The following TERT variants were observed in gnomAD, a reference collection of about 807,000 sequenced individuals.
TERT encodes telomerase catalytic subunit.
Under a neutral mutation model 104.0 loss-of-function variants are expected in TERT, and 42 were observed. The observed-to-expected ratio is 0.40, with a 90% CI of 0.32 to 0.52. The LOEUF is 0.52. Ranked by LOEUF, TERT falls within the 20% of genes least tolerant of loss-of-function variation. TERT has a pLI of 0.43. For synonymous variants in TERT, 781 were observed against 725.6 expected (o/e 1.08, Z -1.23); for missense variants, 1,101 against 1,610.3 (o/e 0.68, Z 5.41).
At position 1,293,300 on chromosome 5, in the gene TERT, A is replaced by G. The variant is rs1434806926; in HGVS notation, c.1573+13T>C. On this transcript the variant is annotated intron_variant, in intron 2 of 15. Transcript: ENST00000310581. Reference sequence around the variant, plus strand: ...TCTGGGGCCTGGGCCCTCGACGGCCACCACCTCCTCACCTGGGCTCCTGCG... The same window carrying G: ...TCTGGGGCCTGGGCCCTCGACGGCCGCCACCTCCTCACCTGGGCTCCTGCG... 6.2e-7 allele frequency: 1 copy of G among 1,612,298 alleles called. No individual in the cohort carries two copies. Among genetic ancestry groups the G allele is most frequent in the East Asian group, 2.2e-5 (1 of 44,884 alleles).
At chr5:1,284,916 C>T (rs1340907837) in intron 2 of TERT, among the ~76,000 whole-genome samples, 4 of 149,686 alleles carry the variant, frequency 2.7e-5, no homozygotes, top group African/African-American at 4.9e-5. Flanking sequence ...AGACACCGCA[C>T]ACCCAGCTCA....
Position 1,255,202 on chromosome 5 carries a change from C to T in TERT, c.3157+85G>A. The T allele has an allele frequency of 1.3e-6, 2 of 1,556,788 alleles. No homozygotes were observed. The highest frequency in any genetic ancestry group is 2.3e-5 in the South Asian group (2 of 86,090). On this transcript the variant is annotated intron_variant, in intron 14 of 15. Coordinates refer to ENST00000310581, the MANE Select transcript of TERT (RefSeq NM_198253.3). The surrounding 1 kb of genome is among the most constrained non-coding windows in gnomAD (Gnocchi z 6.9). The stretch of plus-strand genomic sequence containing the variant: ...TGATGCGAAAAGGGGTAAGAACTTC[C>T]TAAGCCCAGATTCACTCAGTCTCCT...
intron 2 of TERT, among the ~76,000 whole-genome samples, chr5:1,283,310 C>T (rs1211919698): frequency 2.2e-4 from 30 of 135,868 alleles, no homozygotes; most frequent in Non-Finnish European, 4.6e-4. Context: ...CTGCACCATC[C>T]GGATACAGCA....
At position 1,274,228 on chromosome 5, in the gene TERT, C is replaced by T. The variant is rs1381178763; in HGVS notation, c.2287-1948G>A. Among the ~76,000 whole-genome samples, 1 of 152,228 alleles carries T rather than the reference C, an allele frequency of 6.6e-6. No individual in the cohort carries two copies. The highest frequency in any genetic ancestry group is 1.9e-4 in the East Asian group (1 of 5,200). On this transcript the variant is annotated intron_variant, in intron 6 of 15. Transcript: ENST00000310581. The surrounding 1 kb of genome is among the most constrained non-coding windows in gnomAD (Gnocchi z 5.3). ...ATCGAGTACGATTCAACCCTGAGAA[C>T]CAACCTGGAAGGCAGTAACAGGAAG...
At chr5:1,258,880 G>A (rs999787664) in intron 12 of TERT, among the ~76,000 whole-genome samples, 1 of 152,230 alleles carries the variant, frequency 6.6e-6, no homozygotes, top group African/African-American at 2.4e-5. Flanking sequence ...CCCGAGGCTC[G>A]GCCAAGACAG....
chr5:1,274,441 T>C lies in TERT; in HGVS notation c.2287-2161A>G, dbSNP rs1025728158. Reference sequence around the variant, plus strand: ...GTCTTTAGCACAGGGTCCCCAACCATTGTGGTACCAGGGACTGGTTTCGTG... The same window carrying C: ...GTCTTTAGCACAGGGTCCCCAACCACTGTGGTACCAGGGACTGGTTTCGTG... On this transcript the variant is annotated intron_variant, in intron 6 of 15. Transcript: ENST00000310581. The surrounding 1 kb of genome is among the most constrained non-coding windows in gnomAD (Gnocchi z 5.3). Among the ~76,000 whole-genome samples the C allele has an allele frequency of 1.3e-5, 2 of 152,136 alleles. No individual in the cohort carries two copies. Among genetic ancestry groups the C allele is most frequent in the East Asian group, 1.9e-4 (1 of 5,200 alleles).
chr5:1,294,557 C>G lies in TERT; in HGVS notation c.329G>C (p.Gly110Ala), dbSNP rs1751262771. 1 of 1,578,600 alleles carries G rather than the reference C, an allele frequency of 6.3e-7. No homozygotes were observed. The highest frequency in any genetic ancestry group is 1.1e-5 in the South Asian group (1 of 88,452). The change falls in exon 2 of 16, where the codon GGC (glycine) becomes GCC (alanine). Residue 110 changes from glycine to alanine, a missense_variant. This residue lies in a region of TERT where 47 missense variants were observed against 105.3 expected (regional missense o/e 0.45). Transcript: ENST00000310581. ...GCTGGTGGTGAAGGCCTCGGGGGGG[C>G]CCCCGCGGGCCCCGTCCAGCAGCGC... ...GFALLDGARG[G>A]PPEAFTTSVR...
Position 1,261,578 on chromosome 5 carries a change from G to C in TERT, c.2844-978C>G, listed in dbSNP as rs1486223780. Among the ~76,000 whole-genome samples the C allele has an allele frequency of 6.6e-6, 1 of 152,254 alleles. No homozygotes were observed. The highest frequency in any genetic ancestry group is 1.5e-5 in the Non-Finnish European group (1 of 68,032). ...CTTGGCAAGCCCAGAAAAGGAGCCA[G>C]CATGAGGGATGGGGACAGGTCTCGC... On this transcript the variant is annotated intron_variant, in intron 11 of 15. Coordinates refer to ENST00000310581, the MANE Select transcript of TERT (RefSeq NM_198253.3). This position sits in a 1 kb window ranked among gnomAD's most constrained non-coding sequence, Gnocchi z 7.4.
chr5:1,254,172 T>C (rs2853689), intron 15 of TERT, among the ~76,000 whole-genome samples, 196 bp downstream of exon 15: 1 of 152,180 alleles, frequency 6.6e-6, no homozygotes, highest in East Asian at 1.9e-4. Flanking sequence ...CAAGAAGTTG[T>C]GGACCCTGCC....
At chr5:1,282,146 G>A (rs1468038719) in intron 3 of TERT, among the ~76,000 whole-genome samples, 4 of 152,164 alleles carry the variant, frequency 2.6e-5, no homozygotes, top group African/African-American at 9.7e-5. Flanking sequence ...AAGGCAAGGA[G>A]GCTAGTGGTA....
At chr5:1,254,315 CA>C in intron 15 of TERT, 52 bp downstream of exon 15, 1 of 1,612,002 alleles carries the variant, frequency 6.2e-7, no homozygotes, top group Non-Finnish European at 8.5e-7. Flanking sequence ...ACAGGGCGTT[CA>C]AGGATGACCC....
In TERT at chr5:1,268,637, G is replaced by A; in HGVS notation, c.2469-4C>T. 6.2e-7 allele frequency: 1 copy of A among 1,606,126 alleles called. No homozygotes were observed. The highest frequency in any genetic ancestry group is 1.3e-5 in the African/African-American group (1 of 74,970). ...CCCCTGGCACTGGACGTAGGACCTGGGGCGGGAAGACACAGGTGAGAGACG... is the reference window on the plus strand; with the variant it reads ...CCCCTGGCACTGGACGTAGGACCTGAGGCGGGAAGACACAGGTGAGAGACG... On this transcript the variant is annotated splice_polypyrimidine_tract_variant and splice_region_variant and intron_variant, in intron 8 of 15. Coordinates refer to ENST00000310581, the MANE Select transcript of TERT (RefSeq NM_198253.3). This position sits in a 1 kb window ranked among gnomAD's most constrained non-coding sequence, Gnocchi z 5.5.
intron 9 of TERT, among the ~76,000 whole-genome samples, chr5:1,267,455 A>T (rs914953133): frequency 2.0e-5 from 3 of 152,226 alleles, no homozygotes; most frequent in Non-Finnish European, 4.4e-5. Flanking sequence ...AACTAGAAAT[A>T]CCATTTGACC....
At chr5:1,284,863 GTCTGGCACC>G (rs1262604467) in intron 2 of TERT, among the ~76,000 whole-genome samples, 1 of 119,488 alleles carries the variant, frequency 8.4e-6, no homozygotes, top group African/African-American at 3.3e-5. Flanking sequence ...TCACCGCACG[GTCTGGCACC>G]GTCTGGCGAC....
Position 1,286,742 on chromosome 5 carries a change from G to A in TERT, c.1574-4118C>T, listed in dbSNP as rs1041953342. Among the ~76,000 whole-genome samples the A allele has an allele frequency of 6.6e-6, 1 of 152,266 alleles. No homozygotes were observed. Among genetic ancestry groups the A allele is most frequent in the Non-Finnish European group, 1.5e-5 (1 of 68,024 alleles). The stretch of plus-strand genomic sequence containing the variant: ...AAAATACAAAAATTAGCCAGGCGTG[G>A]TGGTGGGCGCCTGTAATCCCAGCTA... On this transcript the variant is annotated intron_variant, in intron 2 of 15. Transcript: ENST00000310581. This position sits in a 1 kb window ranked among gnomAD's most constrained non-coding sequence, Gnocchi z 5.3.
rs1043717306 is a variant in TERT at position 1,269,542 on chromosome 5, C to T, written c.2469-909G>A. ...AGGAGAAATGCTGGAACCCGGGAGG[C>T]GGAGGTTGCAGTGAGTTGAGATCGC... On this transcript the variant is annotated intron_variant, in intron 8 of 15. Coordinates refer to ENST00000310581, the MANE Select transcript of TERT (RefSeq NM_198253.3). The surrounding 1 kb of genome is among the most constrained non-coding windows in gnomAD (Gnocchi z 9.0). Among the ~76,000 whole-genome samples, 6 of 151,144 alleles carry T rather than the reference C, an allele frequency of 4.0e-5. No homozygotes were observed. Among genetic ancestry groups the T allele is most frequent in the Non-Finnish European group, 5.9e-5 (4 of 67,882 alleles).
chr5:1,277,439 T>C (rs1208634279), intron 6 of TERT, among the ~76,000 whole-genome samples: 1 of 152,148 alleles, frequency 6.6e-6, no homozygotes, highest in Non-Finnish European at 1.5e-5. Context: ...ATGCCATTCA[T>C]GGACAGAACG....
rs1283391486 is a variant in TERT at position 1,255,248 on chromosome 5, C to A, written c.3157+39G>T. ...CTCCTGACACACTAACACCAGCAGG[C>A]AGGCACTGCTGCCACTGAGGCCAGG... On this transcript the variant is annotated intron_variant, in intron 14 of 15. Coordinates refer to ENST00000310581, the MANE Select transcript of TERT (RefSeq NM_198253.3). This position sits in a 1 kb window ranked among gnomAD's most constrained non-coding sequence, Gnocchi z 6.9. The A allele has an allele frequency of 3.1e-6, 5 of 1,609,130 alleles. No homozygotes were observed. The highest frequency in any genetic ancestry group is 2.2e-5 in the South Asian group (2 of 90,274).
At position 1,293,822 on chromosome 5, in the gene TERT, G is replaced by A. The variant is rs1346547764; in HGVS notation, c.1064C>T (p.Thr355Ile). 1 of 1,549,990 alleles carries A rather than the reference G, an allele frequency of 6.5e-7. No homozygotes were observed. The highest frequency in any genetic ancestry group is 8.7e-7 in the Non-Finnish European group (1 of 1,147,150). The change falls in exon 2 of 16, where the codon ACT becomes ATT. Residue 355 changes from threonine to isoleucine, a missense_variant. By Grantham distance (89) the Thr-to-Ile change is moderately conservative. Transcript: ENST00000310581. ...FLLSSLRPSL[T>I]GARRLVETIF... is the part of the protein sequence containing the mutation. Reference sequence around the variant, plus strand: ...GGTCTCCACGAGCCTCCGAGCGCCAGTCAGGCTGGGCCTCAGAGAGCTGAG... The same window carrying A: ...GGTCTCCACGAGCCTCCGAGCGCCAATCAGGCTGGGCCTCAGAGAGCTGAG...
Sources: allele counts gnomAD v4.1 joint callset (sites outside exome capture counted in the v4.1 genomes callset), GRCh38; gene constraint gnomAD v4.1.1; regional missense constraint gnomAD v4.1.1; non-coding constraint Gnocchi (gnomAD v3.1); transcripts MANE v1.5; gene names NCBI Gene and HGNC (gene_info 2026-07-23, HGNC 2026-07-21).